Variants in ANKRD18B observed in about 807,000 individuals in gnomAD.
ANKRD18B encodes ankyrin repeat domain-containing protein 18B.
ANKRD18B carries 75 observed loss-of-function variants against 111.8 expected under a neutral mutation model. The observed-to-expected ratio is 0.67, with a 90% CI of 0.56 to 0.81. The LOEUF (loss-of-function observed/expected upper bound fraction) is 0.81, where lower values mean the gene tolerates loss of function less well. Among genes scored for constraint, ANKRD18B ranks in the 40% least tolerant of loss-of-function variants. The probability of loss-of-function intolerance (pLI) is 0.00; values close to 1 mark genes in which losing one functional copy is unlikely to be tolerated. For missense variants in ANKRD18B, 1,038 were observed against 1,225.5 expected (o/e 0.85, Z 2.28); for synonymous variants, 356 against 417.3 (o/e 0.85, Z 1.79).
rs774654522 is a variant in ANKRD18B at position 33,566,442 on chromosome 9, C to T, written c.2684C>T (p.Ser895Leu). The T allele has an allele frequency of 2.0e-4, 318 of 1,609,840 alleles. No homozygotes were observed. The highest frequency in any genetic ancestry group is 1.8e-4 in the Non-Finnish European group (213 of 1,179,066). The change falls in exon 15 of 19, where the codon TCG becomes TTG. Residue 895 changes from serine (S) to leucine (L), a missense_variant. Coordinates refer to ENST00000684830, the MANE Select transcript of ANKRD18B (RefSeq NM_001393611.1). Reference protein sequence around the residue: ...VELGKVQEYKSELDERAMQAI... With the variant: ...VELGKVQEYKLELDERAMQAI... ...CTTGGTAAAGTACAAGAATATAAAT[C>T]GGAGCTGGATGAAAGGGCAATGCAG...
At chr9:33,557,623 A>C (rs1158662856) in intron 13 of ANKRD18B, among the ~76,000 whole-genome samples, 1 of 152,120 alleles carries the variant, frequency 6.6e-6, no homozygotes, top group Non-Finnish European at 1.5e-5. Flanking sequence ...CCCCATCTCT[A>C]CTAAAAATAC....
At chr9:33,544,398 T>C (rs1198901675) in intron 10 of ANKRD18B, among the ~76,000 whole-genome samples, 3 of 152,246 alleles carry the variant, frequency 2.0e-5, no homozygotes, top group African/African-American at 4.8e-5. Context: ...TTTTAAAACA[T>C]GCACCCTGTC....
At position 33,551,978 on chromosome 9, in the gene ANKRD18B, G is replaced by A. The variant is rs148182536; in HGVS notation, c.2217+1399G>A. ...AACAACTTAGCCCTTAATTTGACATGGATTTTAATTTTTAATGGAAGATAA... is the reference window on the plus strand; with the variant it reads ...AACAACTTAGCCCTTAATTTGACATAGATTTTAATTTTTAATGGAAGATAA... On this transcript the variant is annotated intron_variant, in intron 12 of 18. Coordinates refer to ENST00000684830, the MANE Select transcript of ANKRD18B (RefSeq NM_001393611.1). Among the ~76,000 whole-genome samples the A allele has an allele frequency of 2.7e-3, 405 of 152,116 alleles. 3 individuals carry two copies. Among genetic ancestry groups the A allele is most frequent in the African/African-American group, 9.2e-3 (382 of 41,502 alleles).
At chr9:33,569,617 G>A (rs1161543498) in intron 17 of ANKRD18B, among the ~76,000 whole-genome samples, 1 of 152,016 alleles carries the variant, frequency 6.6e-6, no homozygotes, top group Admixed American at 6.6e-5. Context: ...ATAATCACAA[G>A]CGAATGACAG....
At chr9:33,542,780 A>G (rs1828299222) in intron 9 of ANKRD18B, among the ~76,000 whole-genome samples, 1 of 152,222 alleles carries the variant, frequency 6.6e-6, no homozygotes, top group Admixed American at 6.5e-5. Context: ...ACAGTAACAA[A>G]AATTTTGCAA....
chr9:33,566,609 C>A, intron 15 of ANKRD18B, 109 bp downstream of exon 15: 6 of 1,338,606 alleles, frequency 4.5e-6, no homozygotes, highest in Non-Finnish European at 6.0e-6. Context: ...TCTCTTACGG[C>A]AATTTCCTTT....
intron 4 of ANKRD18B, 73 bp from the exon 5 acceptor site, chr9:33,534,297 A>G: frequency 6.8e-7 from 1 of 1,469,114 alleles, no homozygotes; most frequent in Non-Finnish European, 9.0e-7. Context: ...TGAAATTGGT[A>G]AAGTGTATCC....
At chr9:33,565,063 C>T (rs1356871560) in intron 14 of ANKRD18B, among the ~76,000 whole-genome samples, 1 of 152,174 alleles carries the variant, frequency 6.6e-6, no homozygotes, top group Non-Finnish European at 1.5e-5. Context: ...GCCTATGCTT[C>T]TGATGTCTTA....
At chr9:33,530,589 T>C (rs1243132960) in intron 3 of ANKRD18B, among the ~76,000 whole-genome samples, 1 of 142,042 alleles carries the variant, frequency 7.0e-6, no homozygotes, top group Non-Finnish European at 1.5e-5. Flanking sequence ...AAGCACAGAA[T>C]AGATAAGTGC....
In ANKRD18B at chr9:33,536,881, C is replaced by G. The variant is rs777139497; in HGVS notation, c.744C>G (p.Ile248Met). The G allele has an allele frequency of 8.8e-6, 13 of 1,479,828 alleles. No individual in the cohort carries two copies. The highest frequency in any genetic ancestry group is 1.2e-5 in the Non-Finnish European group (13 of 1,101,530). The allele number at this position is 1,479,828 out of a possible 1,614,324, so 91.7% of individuals were successfully genotyped here. ...DYAFCCDLRS[I>M]QQQILEHKNK... Reference sequence around the variant, plus strand: ...TTATTACATTTATTATGCATAGCATCCAACAACAAATTTTGGAACATAAAA... The same window carrying G: ...TTATTACATTTATTATGCATAGCATGCAACAACAAATTTTGGAACATAAAA... The change falls in exon 6 of 19, where the codon ATC (isoleucine) becomes ATG (methionine). Residue 248 changes from isoleucine (I) to methionine (M), a missense_variant. By Grantham distance (10) the Ile-to-Met change is conservative (BLOSUM62 1). This residue lies in a region of ANKRD18B where 93 missense variants were observed against 141.3 expected (regional missense o/e 0.66). Transcript: ENST00000684830.
chr9:33,547,100 C>T (rs1828367999), intron 10 of ANKRD18B, among the ~76,000 whole-genome samples: 1 of 152,140 alleles, frequency 6.6e-6, no homozygotes, highest in African/African-American at 2.4e-5. Context: ...TCTGAAGCCC[C>T]ACAAGGTCAC....
At chr9:33,526,623 G>A (rs1828028910) in intron 1 of ANKRD18B, among the ~76,000 whole-genome samples, 1 of 152,090 alleles carries the variant, frequency 6.6e-6, no homozygotes, top group Non-Finnish European at 1.5e-5. Context: ...ATCTTGTACA[G>A]ATAAAAATAA....
At chr9:33,530,101 C>G (rs866228604) in intron 3 of ANKRD18B, among the ~76,000 whole-genome samples, 2 of 152,158 alleles carry the variant, frequency 1.3e-5, no homozygotes. Context: ...ATCTCATACT[C>G]TTCTCTCTGG....
At chr9:33,548,988 A>T in intron 11 of ANKRD18B, 133 bp downstream of exon 11, 1 of 980,188 alleles carries the variant, frequency 1.0e-6, no homozygotes, top group Non-Finnish European at 1.4e-6. Flanking sequence ...TTCCATTTAC[A>T]TGAATCATCC....
intron 12 of ANKRD18B, among the ~76,000 whole-genome samples, chr9:33,555,141 A>C (rs529125961): frequency 6.6e-6 from 1 of 152,242 alleles, no homozygotes; most frequent in East Asian, 1.9e-4. Flanking sequence ...AGTAGACAAA[A>C]GTTATTATTT....
chr9:33,539,826 CT>C (rs1488775647), intron 7 of ANKRD18B, among the ~76,000 whole-genome samples: 19 of 150,794 alleles, frequency 1.3e-4, no homozygotes, highest in Non-Finnish European at 5.9e-5. Flanking sequence ...AAGAACCAGA[CT>C]TGTTTTGGTT....
Position 33,558,069 on chromosome 9 carries a change from G to A in ANKRD18B, c.2342G>A (p.Cys781Tyr). 1.3e-6 allele frequency: 2 copies of A among 1,599,794 alleles called. No homozygotes were observed. The highest frequency in any genetic ancestry group is 8.5e-7 in the Non-Finnish European group (1 of 1,172,008). ...LEEEATGYKK[C>Y]LEMTINMLNA... Reference sequence around the variant, plus strand: ...TTACATTTCTGCAGATATAAGAAATGCCTAGAAATGACAATAAATATGTTA... The same window carrying A: ...TTACATTTCTGCAGATATAAGAAATACCTAGAAATGACAATAAATATGTTA... The change falls in exon 14 of 19, where the codon TGC becomes TAC. Residue 781 changes from cysteine to tyrosine, a missense_variant. Coordinates refer to ENST00000684830, the MANE Select transcript of ANKRD18B (RefSeq NM_001393611.1).
In ANKRD18B at chr9:33,566,312, A is replaced by T. The variant is rs373114045; in HGVS notation, c.2554A>T (p.Met852Leu). The T allele has an allele frequency of 1.9e-5, 29 of 1,562,682 alleles. No individual in the cohort carries two copies. Among genetic ancestry groups the T allele is most frequent in the Non-Finnish European group, 2.3e-5 (26 of 1,151,036 alleles). The change falls in exon 15 of 19, where the codon ATG (methionine) becomes TTG (leucine). Residue 852 changes from methionine to leucine, a missense_variant. Transcript: ENST00000684830. ...AGTTCTTCATCAGGAGTTATTATCT[A>T]TGGGAAAAGTACAAGAGAAATGTGA... Reference protein sequence around the residue: ...NEVLHQELLSMGKVQEKCEKL... With the variant: ...NEVLHQELLSLGKVQEKCEKL...
In ANKRD18B at chr9:33,558,060, A is replaced by G; in HGVS notation, c.2333A>G (p.Tyr778Cys). 6.3e-7 allele frequency: 1 copy of G among 1,591,110 alleles called. No homozygotes were observed. Among genetic ancestry groups the G allele is most frequent in the East Asian group, 2.3e-5 (1 of 44,380 alleles). ...TACCAGTTCTTACATTTCTGCAGAT[A>G]TAAGAAATGCCTAGAAATGACAATA... Reference protein sequence around the residue: ...NRELEEEATGYKKCLEMTINM... With the variant: ...NRELEEEATGCKKCLEMTINM... Residue 778 changes from tyrosine to cysteine, a missense_variant and splice_region_variant, in exon 14 of 19, where the codon TAT becomes TGT. Physicochemically the swap from Tyr to Cys is radical, Grantham distance 194. Around this residue, in one of 4 missense-constraint regions of ANKRD18B, gnomAD observed 524 missense variants for 677.9 expected, o/e 0.77. Coordinates refer to ENST00000684830, the MANE Select transcript of ANKRD18B (RefSeq NM_001393611.1).
Sources: gnomAD v4.1 joint callset for allele counts (sites outside exome capture counted in the v4.1 genomes callset) on GRCh38, gnomAD v4.1.1 for gene constraint, gnomAD v4.1.1 regional missense constraint, MANE v1.5 for transcripts, NCBI Gene and HGNC (gene_info 2026-07-23, HGNC 2026-07-21) for gene names.